The following OPN4 variants were observed in gnomAD, a reference collection of about 807,000 sequenced individuals.
OPN4 encodes melanopsin.
Under a neutral mutation model 49.5 loss-of-function variants are expected in OPN4, and 43 were observed. The ratio of observed to expected loss-of-function variants is 0.87; its 90% CI spans 0.68 to 1.12. The LOEUF (loss-of-function observed/expected upper bound fraction) is 1.12, where lower values mean the gene tolerates loss of function less well. Ranked by LOEUF, OPN4 falls within the 50% of genes most tolerant of loss-of-function variation. The pLI is 0.00. For synonymous variants in OPN4, 263 were observed against 258.0 expected, an observed-to-expected ratio of 1.02 and a Z score of -0.19; for missense variants, 657 against 643.9, an observed-to-expected ratio of 1.02 and a Z score of -0.22.
Position 86,654,945 on chromosome 10 carries a change from T to G in OPN4, c.144+18T>G. 6.2e-7 allele frequency: 1 copy of G among 1,612,552 alleles called. No individual in the cohort carries two copies. The highest frequency in any genetic ancestry group is 8.5e-7 in the Non-Finnish European group (1 of 1,179,224). ...GTCCCACAGTAAGCCTGGGCGAGCA[T>G]GTGCATGCACAGAGCCTTCCCTGAC... On this transcript the variant is annotated intron_variant, in intron 1 of 9. Transcript: ENST00000241891.
intron 8 of OPN4, among the ~76,000 whole-genome samples, chr10:86,663,308 C>G (rs567768144): frequency 6.6e-6 from 1 of 152,324 alleles, no homozygotes; most frequent in African/African-American, 2.4e-5. Flanking sequence ...TGTCAGAGGT[C>G]CCTCCTGTAA....
Position 86,658,543 on chromosome 10 carries a change from A to G in OPN4, c.484A>G (p.Thr162Ala). Residue 162 changes from threonine (T) to alanine (A), a missense_variant, in exon 4 of 10, where the codon ACG (threonine) becomes GCG (alanine). By Grantham distance (58) the Thr-to-Ala change is moderately conservative (BLOSUM62 0). Coordinates refer to ENST00000241891, the MANE Select transcript of OPN4 (RefSeq NM_033282.4). ...LFGISSMITL[T>A]AIALDRYLVI... The stretch of plus-strand genomic sequence containing the variant: ...TGGCATTTCCTCCATGATCACCCTG[A>G]CGGCCATCGCCCTGGACCGCTACCT... The G allele has an allele frequency of 6.2e-7, 1 of 1,614,158 alleles. No homozygotes were observed. The highest frequency in any genetic ancestry group is 8.5e-7 in the Non-Finnish European group (1 of 1,180,034).
intron 9 of OPN4, among the ~76,000 whole-genome samples, chr10:86,664,328 T>C (rs1844092249): frequency 6.6e-6 from 1 of 152,288 alleles, no homozygotes; most frequent in South Asian, 2.1e-4. Flanking sequence ...TGGACATACC[T>C]GGGGAGGAAG....
Position 86,665,795 on chromosome 10 carries a change from C to T in OPN4, c.*44C>T, listed in dbSNP as rs1844157016. 1.4e-6 allele frequency: 2 copies of T among 1,467,870 alleles called. No homozygotes were observed. Among genetic ancestry groups the T allele is most frequent in the East Asian group, 2.3e-5 (1 of 44,232 alleles). The allele number at this position is 1,467,870 out of a possible 1,614,324, so 90.9% of individuals were successfully genotyped here. A position where few individuals can be genotyped will look rare whatever the true frequency, so the allele number is the denominator to read the frequency against. On this transcript the variant is annotated 3_prime_UTR_variant, in exon 10 of 10. Transcript: ENST00000241891. Reference sequence around the variant, plus strand: ...CTTTCTTCTGAGACACATCCAGCCCCCCCACGTCTCCCTCATATACACAGA... The same window carrying T: ...CTTTCTTCTGAGACACATCCAGCCCTCCCACGTCTCCCTCATATACACAGA...
intron 2 of OPN4, among the ~76,000 whole-genome samples, chr10:86,656,844 C>T (rs1433018517): frequency 6.7e-6 from 1 of 150,254 alleles, no homozygotes; most frequent in Non-Finnish European, 1.5e-5. Flanking sequence ...GCTTGGGAGG[C>T]TGAGGCAGGA....
intron 8 of OPN4, among the ~76,000 whole-genome samples, chr10:86,662,805 T>C (rs1270216454): frequency 6.6e-6 from 1 of 152,270 alleles, no homozygotes; most frequent in East Asian, 1.9e-4. Context: ...AGGAGTTAGC[T>C]TGGAGCTCCT....
At chr10:86,663,890 T>C in intron 9 of OPN4, 88 bp downstream of exon 9, 1 of 1,461,014 alleles carries the variant, frequency 6.8e-7, no homozygotes, top group Non-Finnish European at 9.2e-7. Flanking sequence ...AGAGACTTGT[T>C]CTCATGGGCA....
At chr10:86,663,406 A>G (rs1199260494) in intron 8 of OPN4, among the ~76,000 whole-genome samples, 1 of 152,172 alleles carries the variant, frequency 6.6e-6, no homozygotes, top group African/African-American at 2.4e-5. Flanking sequence ...CAAAAATATA[A>G]ATAGCCACTT....
chr10:86,666,009 C>G lies in OPN4; in HGVS notation c.*258C>G. ...CAGCCTGAGGGGTATGTGCCCAGGC[C>G]CTCCCACTTCCCGAGTTGTCTGCCT... On this transcript the variant is annotated 3_prime_UTR_variant, in exon 10 of 10. Coordinates refer to ENST00000241891, the MANE Select transcript of OPN4 (RefSeq NM_033282.4). 2.5e-5 allele frequency: 13 copies of G among 528,090 alleles called. No homozygotes were observed. The highest frequency in any genetic ancestry group is 4.3e-5 in the Non-Finnish European group (13 of 299,228). 32.7% of individuals were successfully genotyped at this position (528,090 alleles called of 1,614,324 possible).
chr10:86,658,882 G>A lies in OPN4; in HGVS notation c.628+195G>A, dbSNP rs140389860. 3.3e-3 allele frequency among the ~76,000 whole-genome samples: 500 copies of A among 152,304 alleles called. 6 individuals carry two copies. The South Asian group carries it at 0.043, about 13-fold the overall frequency. On this transcript the variant is annotated intron_variant, in intron 4 of 9. Coordinates refer to ENST00000241891, the MANE Select transcript of OPN4 (RefSeq NM_033282.4). ...TGACACTGCCCCATCAGGGGCCAAA[G>A]GATCTCCTGGGCAACTGATCCCAAA...
At chr10:86,663,845 T>A in intron 9 of OPN4, 43 bp downstream of exon 9, 1 of 1,539,336 alleles carries the variant, frequency 6.5e-7, no homozygotes, top group Non-Finnish European at 8.8e-7. Context: ...GGGGTGGGGG[T>A]TAGGGGCCAG....
At chr10:86,659,662 C>T (rs909285) in intron 5 of OPN4, among the ~76,000 whole-genome samples, 194 bp downstream of exon 5, 1,539 of 152,282 alleles carry the variant, frequency 0.01, 10 homozygotes, top group Non-Finnish European at 0.016. Flanking sequence ...GCGGGCTTTT[C>T]GGCATGGCAG....
Position 86,659,383 on chromosome 10 carries a change from C to G in OPN4, c.715C>G (p.Leu239Val). Residue 239 changes from leucine (L) to valine (V), a missense_variant, in exon 5 of 10, where the codon CTC (leucine) becomes GTC (valine). By Grantham distance (32) the Leu-to-Val change is conservative. Transcript: ENST00000241891. ...TPAVRAYTML[L>V]CCFVFFLPLL... ...GGCCGTGCGTGCCTACACCATGCTT[C>G]TCTGCTGCTTCGTGTTCTTCCTCCC... The G allele has an allele frequency of 6.2e-7, 1 of 1,614,090 alleles. No individual in the cohort carries two copies. Among genetic ancestry groups the G allele is most frequent in the Non-Finnish European group, 8.5e-7 (1 of 1,180,034 alleles).
chr10:86,662,360 C>T lies in OPN4; in HGVS notation c.1182C>T (p.Thr394=). The change falls in exon 8 of 10, where the codon ACC becomes ACT. Residue 394 remains threonine (T), a synonymous_variant. Transcript: ENST00000241891. ...GCTCCACCCACCGCTCCACGCTGACCAGCCACACCTCCAACCTCAGCTGGA... is the reference window on the plus strand; with the variant it reads ...GCTCCACCCACCGCTCCACGCTGACTAGCCACACCTCCAACCTCAGCTGGA... ...SYRSTHRSTL[T]SHTSNLSWIS... 1 of 1,586,306 alleles carries T rather than the reference C, an allele frequency of 6.3e-7. No homozygotes were observed. The highest frequency in any genetic ancestry group is 8.6e-7 in the Non-Finnish European group (1 of 1,167,418).
At chr10:86,660,088 A>T in intron 6 of OPN4, 29 bp downstream of exon 6, 1 of 1,611,182 alleles carries the variant, frequency 6.2e-7, no homozygotes, top group Non-Finnish European at 8.5e-7. Context: ...GTTGGGGAAG[A>T]GGCTGAAGGT....
chr10:86,665,827 A>T lies in OPN4; in HGVS notation c.*76A>T. On this transcript the variant is annotated 3_prime_UTR_variant, in exon 10 of 10. Transcript: ENST00000241891. ...TCTCCCTCATATACACAGACCCAGG[A>T]TTATGCTGTGAGCCTGCAGGCTTTG... 8.4e-7 allele frequency: 1 copy of T among 1,189,154 alleles called. No individual in the cohort carries two copies. Among genetic ancestry groups the T allele is most frequent in the Non-Finnish European group, 1.2e-6 (1 of 806,652 alleles). The allele number at this position is 1,189,154 out of a possible 1,614,324, so 73.7% of individuals were successfully genotyped here. A position where few individuals can be genotyped will look rare whatever the true frequency, so the allele number is the denominator to read the frequency against.
chr10:86,655,215 T>C (rs1843836506), intron 1 of OPN4, among the ~76,000 whole-genome samples: 2 of 152,154 alleles, frequency 1.3e-5, no homozygotes, highest in African/African-American at 4.8e-5. Flanking sequence ...CTCATTCCTT[T>C]CAGAGGTTGC....
In OPN4 at chr10:86,659,369, C is replaced by T. The variant is rs199722703; in HGVS notation, c.701C>T (p.Ala234Val). 26 of 1,613,972 alleles carry T rather than the reference C, an allele frequency of 1.6e-5. No individual in the cohort carries two copies. In the East Asian group the frequency reaches 5.8e-4, roughly 36 times the overall value. The change falls in exon 5 of 10, where the codon GCC becomes GTC. Residue 234 changes from alanine to valine, a missense_variant. Coordinates refer to ENST00000241891, the MANE Select transcript of OPN4 (RefSeq NM_033282.4). The part of the protein sequence containing the change: ...DYMSFTPAVR[A>V]YTMLLCCFVF... Reference sequence around the variant, plus strand: ...ATGAGCTTCACGCCGGCCGTGCGTGCCTACACCATGCTTCTCTGCTGCTTC... The same window carrying T: ...ATGAGCTTCACGCCGGCCGTGCGTGTCTACACCATGCTTCTCTGCTGCTTC...
Position 86,666,098 on chromosome 10 carries a change from C to T in OPN4, c.*347C>T, listed in dbSNP as rs1366279110. Reference sequence around the variant, plus strand: ...ACAATGGTGATGGCTCCAGAGAACACACCAGCTATTTATGAGCCTCTGCCC... The same window carrying T: ...ACAATGGTGATGGCTCCAGAGAACATACCAGCTATTTATGAGCCTCTGCCC... On this transcript the variant is annotated 3_prime_UTR_variant, in exon 10 of 10. Coordinates refer to ENST00000241891, the MANE Select transcript of OPN4 (RefSeq NM_033282.4). 1.3e-5 allele frequency: 4 copies of T among 302,848 alleles called. No homozygotes were observed. Among genetic ancestry groups the T allele is most frequent in the African/African-American group, 8.6e-5 (4 of 46,280 alleles). 18.8% of individuals were successfully genotyped at this position (302,848 alleles called of 1,614,324 possible).
Sources: allele counts gnomAD v4.1 joint callset (sites outside exome capture counted in the v4.1 genomes callset), GRCh38; gene constraint gnomAD v4.1.1; transcripts MANE v1.5; gene names NCBI Gene and HGNC (gene_info 2026-07-23, HGNC 2026-07-21).